Variants in ABHD17C observed in about 807,000 individuals in gnomAD.
ABHD17C encodes the protein alpha/beta hydrolase domain-containing protein 17C.
ABHD17C carries 11 observed loss-of-function variants against 27.9 expected under a neutral mutation model. The observed-to-expected ratio is 0.39, with a 90% CI of 0.25 to 0.65. ABHD17C has a LOEUF of 0.65. ABHD17C is among the 30% of genes least tolerant of loss of function. The pLI is 0.45. For missense variants in ABHD17C, 280 were observed against 470.2 expected (o/e 0.60, Z 3.74); for synonymous variants, 233 against 209.1 (o/e 1.11, Z -0.98).
intron 1 of ABHD17C, among the ~76,000 whole-genome samples, chr15:80,727,165 T>C (rs1894992315): frequency 6.6e-6 from 1 of 152,254 alleles, no homozygotes; most frequent in East Asian, 1.9e-4. Context: ...CCTTGATGTC[T>C]TTTCCGTGCC....
intron 1 of ABHD17C, among the ~76,000 whole-genome samples, chr15:80,705,622 G>C (rs1455342859): frequency 6.6e-6 from 1 of 152,146 alleles, no homozygotes; most frequent in Non-Finnish European, 1.5e-5. Flanking sequence ...CTGAAAACTA[G>C]GTGCTTAAAT....
chr15:80,695,519 C>T lies in ABHD17C; in HGVS notation c.90C>T (p.Ala30=), dbSNP rs1321746235. The part of the protein sequence containing the change: ...FCCPPCPSRI[A]AKLAFLPPEP... Reference sequence around the variant, plus strand: ...GCCCGCCCTGCCCGAGCCGCATCGCCGCCAAGCTGGCCTTCCTGCCGCCCG... The same window carrying T: ...GCCCGCCCTGCCCGAGCCGCATCGCTGCCAAGCTGGCCTTCCTGCCGCCCG... The change falls in exon 1 of 3, where the codon GCC becomes GCT. Residue 30 remains alanine (A), a synonymous_variant. Transcript: ENST00000258884. The surrounding 1 kb of genome is among the most constrained non-coding windows in gnomAD (Gnocchi z 4.3). The T allele has an allele frequency of 2.2e-6, 3 of 1,377,388 alleles. No homozygotes were observed. The highest frequency in any genetic ancestry group is 2.4e-5 in the Admixed American group (1 of 40,992). 85.3% of individuals were successfully genotyped at this position (1,377,388 alleles called of 1,614,324 possible).
At chr15:80,714,859 C>A (rs1428583283) in intron 1 of ABHD17C, among the ~76,000 whole-genome samples, 3 of 152,148 alleles carry the variant, frequency 2.0e-5, no homozygotes, top group Non-Finnish European at 2.9e-5. Context: ...AATACAGTAT[C>A]TGAGCATGAC....
chr15:80,713,634 T>C lies in ABHD17C; in HGVS notation c.590+17615T>C, dbSNP rs372090369. Reference sequence around the variant, plus strand: ...ACCAGCCTGGCCAACATAGTGAAACTCCGTCTCTACTAAAAATACAAAAAA... The same window carrying C: ...ACCAGCCTGGCCAACATAGTGAAACCCCGTCTCTACTAAAAATACAAAAAA... On this transcript the variant is annotated intron_variant, in intron 1 of 2. Transcript: ENST00000258884. Among the ~76,000 whole-genome samples the C allele has an allele frequency of 2.5e-3, 375 of 151,708 alleles. 2 individuals carry two copies. Among genetic ancestry groups the C allele is most frequent in the South Asian group, 0.011 (51 of 4,798 alleles).
At chr15:80,705,333 T>TTTTGTGTGTGTGTGTGTG (rs10523879) in intron 1 of ABHD17C, among the ~76,000 whole-genome samples, 41 of 106,888 alleles carry the variant, frequency 3.8e-4, no homozygotes, top group African/African-American at 8.8e-4. Context: ...TTCCTATGAT[T>TTTTGTGTGTGTGTGTGTG]TGTGTGTGTG....
intron 1 of ABHD17C, among the ~76,000 whole-genome samples, chr15:80,739,208 C>T (rs941480590): frequency 6.6e-6 from 1 of 152,170 alleles, no homozygotes; most frequent in African/African-American, 2.4e-5. Flanking sequence ...TGTTCTTCAC[C>T]TCATCCCTTC....
At chr15:80,714,113 C>T (rs1894771212) in intron 1 of ABHD17C, among the ~76,000 whole-genome samples, 1 of 152,110 alleles carries the variant, frequency 6.6e-6, no homozygotes, top group South Asian at 2.1e-4. Context: ...GGCACCTCAC[C>T]TGGCTAATTT....
chr15:80,705,333 T>TTTTGTGTGTGTGTGTGTGTGTG lies in ABHD17C; in HGVS notation c.590+9315_590+9316insTTGTGTGTGTGTGTGTGTGTGT, dbSNP rs10523879. 8.4e-5 allele frequency among the ~76,000 whole-genome samples: 9 copies of TTTTGTGTGTGTGTGTGTGTGTG among 106,820 alleles called. 1 individual carries two copies. The highest frequency in any genetic ancestry group is 2.0e-4 in the Admixed American group (2 of 10,114). 70.1% of individuals were successfully genotyped at this position (106,820 alleles called of 152,430 possible). ...CCTGCAGTTCTGAGCTTCCTATGAT[T>TTTTGTGTGTGTGTGTGTGTGTG]TGTGTGTGTGTGTGTGTGTGTGTGT... On this transcript the variant is annotated intron_variant, in intron 1 of 2. Transcript: ENST00000258884.
chr15:80,729,118 T>C (rs1390529829), intron 1 of ABHD17C, among the ~76,000 whole-genome samples: 2 of 152,224 alleles, frequency 1.3e-5, no homozygotes, highest in Middle Eastern at 3.2e-3. Flanking sequence ...CTTCAGCTTG[T>C]GGGCACCAAA....
In ABHD17C at chr15:80,695,790, G is replaced by T; in HGVS notation, c.361G>T (p.Gly121Cys). 1 of 1,548,526 alleles carries T rather than the reference G, an allele frequency of 6.5e-7. No homozygotes were observed. The highest frequency in any genetic ancestry group is 8.7e-7 in the Non-Finnish European group (1 of 1,155,516). The stretch of plus-strand genomic sequence containing the variant: ...GCGCACGGCCCGGGACAACCGGCTC[G>T]GCTGCATGTTCGTGCGCTGCGCGCC... ...FSRTARDNRL[G>C]CMFVRCAPSS... The change falls in exon 1 of 3, where the codon GGC becomes TGC. Residue 121 changes from glycine to cysteine, a missense_variant. Gly to Cys is a radical substitution (Grantham distance 159). Around this residue, in one of 2 missense-constraint regions of ABHD17C, gnomAD observed 206 missense variants for 394.7 expected, o/e 0.52. Transcript: ENST00000258884. The surrounding 1 kb of genome is among the most constrained non-coding windows in gnomAD (Gnocchi z 4.3).
rs553398260 is a variant in ABHD17C at position 80,701,931 on chromosome 15, TC to T, written c.590+5914del. On this transcript the variant is annotated intron_variant, in intron 1 of 2. Transcript: ENST00000258884. ...GTGCTCTTTTGTCATACCTGGCTCT[TC>T]CGGCTTGCCTCACCGTGTGGTTCGG... Among the ~76,000 whole-genome samples the T allele has an allele frequency of 4.4e-3, 663 of 152,288 alleles. 6 individuals are homozygous for T. The highest frequency in any genetic ancestry group is 0.031 in the Middle Eastern group (9 of 294).
intron 1 of ABHD17C, among the ~76,000 whole-genome samples, chr15:80,726,556 G>A (rs1209376219): frequency 8.1e-6 from 1 of 124,154 alleles, no homozygotes; most frequent in East Asian, 2.7e-4. Flanking sequence ...CTGTCGCCTA[G>A]GCTGGAGGGC....
At chr15:80,707,983 A>G (rs1894671218) in intron 1 of ABHD17C, among the ~76,000 whole-genome samples, 1 of 152,214 alleles carries the variant, frequency 6.6e-6, no homozygotes, top group Non-Finnish European at 1.5e-5. Context: ...GGGAGCTTGC[A>G]GTGCAAGGGT....
intron 1 of ABHD17C, among the ~76,000 whole-genome samples, chr15:80,696,887 G>A (rs928934459): frequency 6.6e-6 from 1 of 152,170 alleles, no homozygotes; most frequent in African/African-American, 2.4e-5. Flanking sequence ...TTACCTGTTT[G>A]TGCTCCAGTT....
chr15:80,697,528 C>G (rs944152665), intron 1 of ABHD17C, among the ~76,000 whole-genome samples: 29 of 152,236 alleles, frequency 1.9e-4, no homozygotes, highest in Admixed American at 1.8e-3. Context: ...TGCATGTCCA[C>G]ATTACAATGA....
intron 1 of ABHD17C, among the ~76,000 whole-genome samples, chr15:80,723,295 G>C (rs1472177256): frequency 6.6e-6 from 1 of 152,094 alleles, no homozygotes; most frequent in African/African-American, 2.4e-5. Flanking sequence ...CATGACCCAG[G>C]GGTCACCACT....
At chr15:80,710,974 G>A (rs761998941) in intron 1 of ABHD17C, among the ~76,000 whole-genome samples, 1 of 152,174 alleles carries the variant, frequency 6.6e-6, no homozygotes, top group African/African-American at 2.4e-5. Context: ...GCGCTCATCA[G>A]ACCTTTAAGT....
chr15:80,709,580 C>T (rs1028269895), intron 1 of ABHD17C, among the ~76,000 whole-genome samples: 8 of 152,052 alleles, frequency 5.3e-5, no homozygotes, highest in Admixed American at 1.3e-4. Flanking sequence ...CTCGAAGACT[C>T]GCACATCTGG....
Position 80,708,089 on chromosome 15 carries a change from CTTT to C in ABHD17C, c.590+12072_590+12074del, listed in dbSNP as rs765313501. Among the ~76,000 whole-genome samples, 10 of 152,260 alleles carry C rather than the reference CTTT, an allele frequency of 6.6e-5. 1 individual carries two copies. The highest frequency in any genetic ancestry group is 6.5e-5 in the Admixed American group (1 of 15,306). On this transcript the variant is annotated intron_variant, in intron 1 of 2. Coordinates refer to ENST00000258884, the MANE Select transcript of ABHD17C (RefSeq NM_021214.2). The stretch of plus-strand genomic sequence containing the variant: ...TCTTCATGCCCCTGTCACTCTCTTC[CTTT>C]TATCCAGGCTCCAAGTCACAGAGTC...
Sources: gnomAD v4.1 joint callset for allele counts (sites outside exome capture counted in the v4.1 genomes callset) on GRCh38, gnomAD v4.1.1 for gene constraint, gnomAD v4.1.1 regional missense constraint, Gnocchi (gnomAD v3.1) non-coding constraint, MANE v1.5 for transcripts, NCBI Gene and HGNC (gene_info 2026-07-23, HGNC 2026-07-21) for gene names.